The following ICA1 variants were observed in gnomAD, a reference collection of about 807,000 sequenced individuals.
The protein encoded by ICA1 is 69 kDa islet cell autoantigen.
ICA1 carries 40 observed loss-of-function variants against 71.0 expected under a neutral mutation model. The observed-to-expected ratio is 0.56, with a 90% CI of 0.44 to 0.73. The LOEUF is 0.73. Ranked by LOEUF, ICA1 falls within the 30% of genes least tolerant of loss-of-function variation. The pLI is 0.00. For missense variants in ICA1, 578 were observed against 576.5 expected (o/e 1.00, Z -0.03); for synonymous variants, 207 against 209.5 (o/e 0.99, Z 0.10).
intron 6 of ICA1, among the ~76,000 whole-genome samples, chr7:8,169,148 AC>A (rs1393911368): frequency 6.6e-6 from 1 of 152,008 alleles, no homozygotes; most frequent in Non-Finnish European, 1.5e-5. Flanking sequence ...GGATTCTTTC[AC>A]TCAGCACAAT....
At chr7:8,114,342 GC>G (rs769667797) in intron 13 of ICA1, among the ~76,000 whole-genome samples, 19 of 152,132 alleles carry the variant, frequency 1.2e-4, no homozygotes, top group Non-Finnish European at 1.6e-4. Context: ...AAACCCTCGG[GC>G]CCTGCCACTT....
chr7:8,220,551 G>A (rs1178907306), intron 5 of ICA1, among the ~76,000 whole-genome samples: 2 of 152,144 alleles, frequency 1.3e-5, no homozygotes, highest in Non-Finnish European at 2.9e-5. Context: ...GGGAGAGAAG[G>A]GAACGAGGAG....
intron 6 of ICA1, among the ~76,000 whole-genome samples, chr7:8,209,952 T>A (rs1319985995): frequency 1.3e-5 from 2 of 151,678 alleles, no homozygotes; most frequent in Non-Finnish European, 2.9e-5. Flanking sequence ...GGGAGGGAAA[T>A]TATTCTAGAG....
At chr7:8,121,842 C>T (rs184060623) in intron 13 of ICA1, among the ~76,000 whole-genome samples, 226 of 152,246 alleles carry the variant, frequency 1.5e-3, no homozygotes, top group Middle Eastern at 0.014. Context: ...ACACATTGCA[C>T]GCCTGTATCA....
intron 1 of ICA1, among the ~76,000 whole-genome samples, chr7:8,252,657 G>A (rs1432745744): frequency 1.3e-5 from 2 of 151,120 alleles, no homozygotes; most frequent in African/African-American, 4.9e-5. Context: ...TGTATTTATA[G>A]TTATAAAAAT....
In ICA1 at chr7:8,153,836, A is replaced by AATATATATATATATATATATATATATAT. The variant is rs33924786; in HGVS notation, c.804+3279_804+3280insATATATATATATATATATATATATATAT. ...AATATATTAATTACAACTCATGCAG[A>AATATATATATATATATATATATATATAT]ATATATATATATATATATATATGTA... On this transcript the variant is annotated intron_variant, in intron 8 of 13. Coordinates refer to ENST00000402384, the MANE Select transcript of ICA1 (RefSeq NM_001136020.3). Among the ~76,000 whole-genome samples the AATATATATATATATATATATATATATAT allele has an allele frequency of 9.9e-4, 136 of 137,080 alleles. 4 individuals carry two copies. The highest frequency in any genetic ancestry group is 1.5e-3 in the East Asian group (7 of 4,718). 89.9% of individuals were successfully genotyped at this position (137,080 alleles called of 152,430 possible).
chr7:8,189,424 G>A (rs1040947149), intron 6 of ICA1, among the ~76,000 whole-genome samples: 5 of 152,200 alleles, frequency 3.3e-5, no homozygotes, highest in South Asian at 2.1e-4. Context: ...CCAGAACCCA[G>A]AACACACAGG....
chr7:8,215,493 A>G (rs1208351664), intron 6 of ICA1, among the ~76,000 whole-genome samples: 1 of 152,124 alleles, frequency 6.6e-6, no homozygotes, highest in African/African-American at 2.4e-5. Flanking sequence ...ACTGTTCACC[A>G]TGCTGTACTA....
intron 2 of ICA1, among the ~76,000 whole-genome samples, chr7:8,233,787 C>A (rs1256473571): frequency 1.3e-5 from 2 of 152,048 alleles, no homozygotes; most frequent in Non-Finnish European, 2.9e-5. Context: ...AATAAAATAA[C>A]AATAAAATAA....
chr7:8,151,456 T>G (rs1205812087), intron 8 of ICA1, among the ~76,000 whole-genome samples: 2 of 152,180 alleles, frequency 1.3e-5, no homozygotes, highest in Non-Finnish European at 2.9e-5. Context: ...CTGTTTCCAA[T>G]GATCTGGCCT....
rs965203615 is a variant in ICA1 at position 8,232,516 on chromosome 7, C to T, written c.183+74G>A. ...AAATACAAAGCACACCCAGCTCTGC[C>T]TCAGTGAGTATACTCTAGGACCTTG... On this transcript the variant is annotated intron_variant, in intron 3 of 13. Transcript: ENST00000402384. The T allele has an allele frequency of 2.4e-6, 3 of 1,274,082 alleles. No homozygotes were observed. In the African/African-American group the frequency reaches 4.6e-5, roughly 20 times the overall value. The allele number at this position is 1,274,082 out of a possible 1,614,324, so 78.9% of individuals were successfully genotyped here. A position where few individuals can be genotyped will look rare whatever the true frequency, so the allele number is the denominator to read the frequency against.
intron 6 of ICA1, among the ~76,000 whole-genome samples, chr7:8,195,466 C>T (rs572298668): frequency 1.1e-3 from 160 of 151,914 alleles, no homozygotes; most frequent in Non-Finnish European, 1.9e-3. Flanking sequence ...TCCTTGAACC[C>T]GGGAGGCAGA....
At chr7:8,162,804 C>A (rs1226465667) in intron 6 of ICA1, among the ~76,000 whole-genome samples, 1 of 152,310 alleles carries the variant, frequency 6.6e-6, no homozygotes, top group East Asian at 1.9e-4. Flanking sequence ...CGCTCTGTCA[C>A]CCAGGCTGGA....
intron 1 of ICA1, among the ~76,000 whole-genome samples, chr7:8,245,480 G>C (rs1408404644): frequency 6.6e-6 from 1 of 152,094 alleles, no homozygotes; most frequent in Non-Finnish European, 1.5e-5. Context: ...GATGGGTACA[G>C]TGGGCCAGCA....
At chr7:8,200,443 T>C (rs1461643113) in intron 6 of ICA1, among the ~76,000 whole-genome samples, 1 of 146,360 alleles carries the variant, frequency 6.8e-6, no homozygotes, top group South Asian at 2.2e-4. Flanking sequence ...TTGGATTTTA[T>C]GCCAGATTAA....
At chr7:8,211,647 T>C (rs975217240) in intron 6 of ICA1, among the ~76,000 whole-genome samples, 10 of 152,224 alleles carry the variant, frequency 6.6e-5, no homozygotes, top group African/African-American at 2.4e-4. Context: ...ACTACTCAAC[T>C]GGACACTTAA....
chr7:8,184,396 T>C (rs1783235062), intron 6 of ICA1, among the ~76,000 whole-genome samples: 2 of 152,218 alleles, frequency 1.3e-5, no homozygotes, highest in South Asian at 2.1e-4. Flanking sequence ...AGACGCAATG[T>C]GCTCAACAGT....
chr7:8,229,728 T>C (rs1450160012), intron 3 of ICA1, among the ~76,000 whole-genome samples: 2 of 152,252 alleles, frequency 1.3e-5, no homozygotes, highest in African/African-American at 4.8e-5. Flanking sequence ...TTTCTAGGAA[T>C]GCTTCATATA....
In ICA1 at chr7:8,146,442, G is replaced by A. The variant is rs543883525; in HGVS notation, c.805-2470C>T. Among the ~76,000 whole-genome samples, 6 of 152,226 alleles carry A rather than the reference G, an allele frequency of 3.9e-5. No individual in the cohort carries two copies. The East Asian group carries it at 9.7e-4, about 25-fold the overall frequency. On this transcript the variant is annotated intron_variant, in intron 8 of 13. Coordinates refer to ENST00000402384, the MANE Select transcript of ICA1 (RefSeq NM_001136020.3). The stretch of plus-strand genomic sequence containing the variant: ...ACAAGTCTTGAGACTGGGATAAAGA[G>A]GTCAGCAGGGGTCACATGGGGAGAA...
Sources: allele counts gnomAD v4.1 joint callset (sites outside exome capture counted in the v4.1 genomes callset), GRCh38; gene constraint gnomAD v4.1.1; transcripts MANE v1.5; gene names NCBI Gene and HGNC (gene_info 2026-07-23, HGNC 2026-07-21).